The following ATG2B variants were observed in gnomAD, a reference collection of about 807,000 sequenced individuals.
The protein encoded by ATG2B is autophagy-related protein 2 homolog B.
In ATG2B, 121 loss-of-function variants were observed where a neutral mutation model predicts 241.3. The ratio of observed to expected loss-of-function variants is 0.50; its 90% CI spans 0.43 to 0.58. ATG2B has a LOEUF of 0.58. ATG2B is among the 20% of genes least tolerant of loss of function. The pLI, the probability that ATG2B is intolerant of heterozygous loss-of-function variation, is 0.00. For missense variants in ATG2B, 2,306 were observed against 2,491.6 expected (o/e 0.93, Z 1.59); for synonymous variants, 858 against 876.6 (o/e 0.98, Z 0.37).
Position 96,317,868 on chromosome 14 carries a change from A to C in ATG2B, c.2880-13T>G. ...GTCATTAAAGATCCTATAAAGACAA[A>C]AGTTGAAAAATAAGTACTTAACTCC... On this transcript the variant is annotated splice_polypyrimidine_tract_variant and intron_variant, in intron 18 of 41. Transcript: ENST00000359933. 1 of 1,566,468 alleles carries C rather than the reference A, an allele frequency of 6.4e-7. No individual in the cohort carries two copies. Among genetic ancestry groups the C allele is most frequent in the Non-Finnish European group, 8.7e-7 (1 of 1,154,450 alleles).
At chr14:96,316,731 A>C (rs1210981310) in intron 20 of ATG2B, 48 bp from the exon 21 acceptor site, 7 of 1,529,260 alleles carry the variant, frequency 4.6e-6, no homozygotes, top group Non-Finnish European at 6.2e-6. Flanking sequence ...TAAATGCAGA[A>C]AAGTAAGCAT....
Position 96,311,186 on chromosome 14 carries a change from T to G in ATG2B, c.4092A>C (p.Ala1364=), listed in dbSNP as rs1447020604. Residue 1364 remains alanine, a synonymous_variant, in exon 28 of 42, where the codon GCA becomes GCC. Transcript: ENST00000359933. ...AALMNLIQYI[A]SYGDLQTPNK... is the part of the protein sequence containing the mutation. ...TAGGTGTCTGCAAGTCACCATAGCT[T>G]GCAATGTACTGAATGAGATTCATTA... 1 of 1,614,012 alleles carries G rather than the reference T, an allele frequency of 6.2e-7. No individual in the cohort carries two copies. Among genetic ancestry groups the G allele is most frequent in the East Asian group, 2.2e-5 (1 of 44,876 alleles).
In ATG2B at chr14:96,303,081, G is replaced by C. The variant is rs755697489; in HGVS notation, c.5017C>G (p.Arg1673Gly). 2.5e-6 allele frequency: 4 copies of C among 1,596,112 alleles called. No homozygotes were observed. The highest frequency in any genetic ancestry group is 3.4e-6 in the Non-Finnish European group (4 of 1,170,864). The change falls in exon 33 of 42, where the codon CGA becomes GGA. Residue 1673 changes from arginine to glycine, a missense_variant. Arg to Gly is a moderately radical substitution (Grantham distance 125). Coordinates refer to ENST00000359933, the MANE Select transcript of ATG2B (RefSeq NM_018036.7). ...LYLYCSKEMP[R>G]KAHSNMLTVK... ...CTTACCATGTTGGAGTGAGCTTTTC[G>C]AGGCATTTCTTTACTGCAATACAGG...
Position 96,280,916 on chromosome 14 carries a change from T to A in ATG2B, c.*4839A>T, listed in dbSNP as rs922369419. The A allele has an allele frequency of 1.1e-4, 16 of 152,286 alleles. No homozygotes were observed. Among genetic ancestry groups the A allele is most frequent in the African/African-American group, 3.6e-4 (15 of 41,554 alleles). 9.4% of individuals were successfully genotyped at this position (152,286 alleles called of 1,614,324 possible). On this transcript the variant is annotated 3_prime_UTR_variant, in exon 42 of 42. Transcript: ENST00000359933. ...AATAAATAAAATAAAAATAAGTATG[T>A]CTTTTAAATATTCCCTTCATAAGTA...
Position 96,311,136 on chromosome 14 carries a change from G to T in ATG2B, c.4142C>A (p.Ala1381Asp). The change falls in exon 28 of 42, where the codon GCC becomes GAC. Residue 1381 changes from alanine (A) to aspartate (D), a missense_variant. Coordinates refer to ENST00000359933, the MANE Select transcript of ATG2B (RefSeq NM_018036.7). ...CTGTACCTTAGACCTTCTTTGAAAGGCTCCAGGCTTCATATCTGCCTTGTT... is the reference window on the plus strand; with the variant it reads ...CTGTACCTTAGACCTTCTTTGAAAGTCTCCAGGCTTCATATCTGCCTTGTT... ...TPNKADMKPG[A>D]FQRRSKVDSS... 6.2e-7 allele frequency: 1 copy of T among 1,612,666 alleles called. No homozygotes were observed. Among genetic ancestry groups the T allele is most frequent in the African/African-American group, 1.3e-5 (1 of 74,940 alleles).
intron 1 of ATG2B, among the ~76,000 whole-genome samples, chr14:96,356,120 G>T (rs1436860732): frequency 6.6e-6 from 1 of 150,688 alleles, no homozygotes; most frequent in Non-Finnish European, 1.5e-5. Context: ...GCAGTGAGCT[G>T]AGATCACGCC....
At chr14:96,318,816 G>GT (rs1887383989) in intron 18 of ATG2B, among the ~76,000 whole-genome samples, 1 of 152,118 alleles carries the variant, frequency 6.6e-6, no homozygotes, top group South Asian at 2.1e-4. Flanking sequence ...TAAACCCATC[G>GT]TAAGATCTGG....
Position 96,290,918 on chromosome 14 carries a change from T to C in ATG2B, c.5597A>G (p.Lys1866Arg), listed in dbSNP as rs371422978. Residue 1866 changes from lysine to arginine, a missense_variant, in exon 39 of 42, where the codon AAA becomes AGA. Coordinates refer to ENST00000359933, the MANE Select transcript of ATG2B (RefSeq NM_018036.7). This position sits in a 1 kb window ranked among gnomAD's most constrained non-coding sequence, Gnocchi z 4.4. ...CTCAGTGATTGCATATGAGAATAAT[T>C]TGTCAACGCCTAGTAAACTAGAGCA... ...SYRHGLLGVD[K>R]LFSYAITEWL... 6 of 1,611,606 alleles carry C rather than the reference T, an allele frequency of 3.7e-6. No homozygotes were observed. The highest frequency in any genetic ancestry group is 5.1e-6 in the Non-Finnish European group (6 of 1,178,994).
chr14:96,335,679 A>T (rs988703030), intron 6 of ATG2B, among the ~76,000 whole-genome samples: 1 of 152,092 alleles, frequency 6.6e-6, no homozygotes, highest in Non-Finnish European at 1.5e-5. Flanking sequence ...CAGACAACTT[A>T]TTTTACGGGG....
intron 28 of ATG2B, among the ~76,000 whole-genome samples, chr14:96,310,491 A>G (rs1887120735): frequency 6.6e-6 from 1 of 152,238 alleles, no homozygotes; most frequent in Admixed American, 6.5e-5. Context: ...CAATTTGGAC[A>G]TAAGAGAAGT....
chr14:96,362,051 T>C (rs908964732), intron 1 of ATG2B, among the ~76,000 whole-genome samples: 5 of 152,052 alleles, frequency 3.3e-5, no homozygotes, highest in Non-Finnish European at 5.9e-5. Context: ...TGAGTCGAAA[T>C]TCAGATGAAG....
rs757350247 is a variant in ATG2B at position 96,322,769 on chromosome 14, T to C, written c.2541-34A>G. 6 of 1,583,618 alleles carry C rather than the reference T, an allele frequency of 3.8e-6. No homozygotes were observed. In the East Asian group the frequency reaches 1.1e-4, roughly 30 times the overall value. ...AAAGACAATTTTAAAAAGACCAAGA[T>C]CTAAGTGTAAACAGCAAAACTTTAA... On this transcript the variant is annotated intron_variant, in intron 16 of 41. Transcript: ENST00000359933.
At chr14:96,360,911 A>T (rs1888608660) in intron 1 of ATG2B, among the ~76,000 whole-genome samples, 4 of 147,598 alleles carry the variant, frequency 2.7e-5, no homozygotes. Flanking sequence ...TTGGCAACAA[A>T]GCAAGAGAAT....
At chr14:96,330,576 C>T (rs976519214) in intron 11 of ATG2B, among the ~76,000 whole-genome samples, 1 of 152,116 alleles carries the variant, frequency 6.6e-6, no homozygotes, top group Non-Finnish European at 1.5e-5. Flanking sequence ...CCAGCCTGGC[C>T]AACATGGTGA....
chr14:96,306,015 G>C (rs1886936908), intron 30 of ATG2B, among the ~76,000 whole-genome samples, 200 bp from the exon 31 acceptor site: 1 of 152,022 alleles, frequency 6.6e-6, no homozygotes, highest in Non-Finnish European at 1.5e-5. Flanking sequence ...TTTGTTCTAC[G>C]TAAACCACTC....
At chr14:96,293,518 G>A (rs1391733958) in intron 36 of ATG2B, among the ~76,000 whole-genome samples, 1 of 152,186 alleles carries the variant, frequency 6.6e-6, no homozygotes, top group Non-Finnish European at 1.5e-5. Flanking sequence ...ATGAATAAAT[G>A]TTTGGAGGAA....
At chr14:96,294,580 GA>G (rs1426645703) in intron 36 of ATG2B, among the ~76,000 whole-genome samples, 37 of 152,140 alleles carry the variant, frequency 2.4e-4, no homozygotes, top group Admixed American at 2.4e-3. Context: ...CCCCACAAGG[GA>G]AAAGACAGAC....
rs772716137 is a variant in ATG2B at position 96,333,703 on chromosome 14, T to C, written c.1192A>G (p.Thr398Ala). The C allele has an allele frequency of 2.2e-5, 35 of 1,613,822 alleles. No individual in the cohort carries two copies. The highest frequency in any genetic ancestry group is 2.7e-5 in the Non-Finnish European group (32 of 1,179,794). Reference sequence around the variant, plus strand: ...AGTTGCTTACCACGGCTAGAAGGTGTACGAGCTGTTTCTGTCTCATAAAAG... The same window carrying C: ...AGTTGCTTACCACGGCTAGAAGGTGCACGAGCTGTTTCTGTCTCATAAAAG... ...QSFYETETAR[T>A]PSSREEEVFF... Residue 398 changes from threonine to alanine, a missense_variant, in exon 8 of 42, where the codon ACA (threonine) becomes GCA (alanine). By Grantham distance (58) the Thr-to-Ala change is moderately conservative (BLOSUM62 0). Around this residue, in one of 2 missense-constraint regions of ATG2B, gnomAD observed 1,927 missense variants for 2,011.2 expected, o/e 0.96. Transcript: ENST00000359933.
intron 6 of ATG2B, among the ~76,000 whole-genome samples, chr14:96,336,529 A>G (rs1887873336): frequency 6.6e-6 from 1 of 152,172 alleles, no homozygotes; most frequent in South Asian, 2.1e-4. Context: ...TAAAAGTAAC[A>G]TATATTTATA....
Sources: gnomAD v4.1 joint callset for allele counts (sites outside exome capture counted in the v4.1 genomes callset) on GRCh38, gnomAD v4.1.1 for gene constraint, gnomAD v4.1.1 regional missense constraint, Gnocchi (gnomAD v3.1) non-coding constraint, MANE v1.5 for transcripts, NCBI Gene and HGNC (gene_info 2026-07-23, HGNC 2026-07-21) for gene names.